Variants in ARHGAP18 observed in about 807,000 individuals in gnomAD.
The protein encoded by ARHGAP18 is Rho GTPase activating protein 18.
A neutral mutation model predicts 86.2 loss-of-function variants in ARHGAP18; 67 were observed. The ratio of observed to expected loss-of-function variants is 0.78; its 90% CI spans 0.64 to 0.95. The LOEUF is 0.95. Among genes scored for constraint, ARHGAP18 ranks in the 40% least tolerant of loss-of-function variants. ARHGAP18 has a pLI of 0.00. For missense variants in ARHGAP18, 691 were observed against 780.4 expected (o/e 0.89, Z 1.37); for synonymous variants, 283 against 280.4 (o/e 1.01, Z -0.09).
intron 7 of ARHGAP18, among the ~76,000 whole-genome samples, chr6:129,615,788 T>C (rs1028850862): frequency 1.3e-5 from 2 of 152,232 alleles, no homozygotes; most frequent in African/African-American, 2.4e-5. Context: ...TTCTACTTTA[T>C]GGTTTCTTTG....
At chr6:129,677,392 C>CAA (rs112446982) in intron 1 of ARHGAP18, among the ~76,000 whole-genome samples, 14 of 139,384 alleles carry the variant, frequency 1.0e-4, no homozygotes, top group African/African-American at 3.1e-4. Flanking sequence ...GACTCCGTCT[C>CAA]AAAAAAAAAA....
intron 3 of ARHGAP18, among the ~76,000 whole-genome samples, chr6:129,637,491 G>A (rs964372717): frequency 6.6e-6 from 1 of 152,160 alleles, no homozygotes; most frequent in African/African-American, 2.4e-5. Flanking sequence ...ACTGTGCTAA[G>A]GCTAGACACC....
intron 2 of ARHGAP18, among the ~76,000 whole-genome samples, chr6:129,639,199 T>A (rs200385573): frequency 6.6e-6 from 1 of 150,544 alleles, no homozygotes; most frequent in African/African-American, 2.4e-5. Context: ...AATGTTTTTT[T>A]AAAAGCACAA....
chr6:129,692,436 C>T (rs1178341119), intron 1 of ARHGAP18, among the ~76,000 whole-genome samples: 3 of 152,136 alleles, frequency 2.0e-5, no homozygotes, highest in Admixed American at 6.5e-5. Context: ...TCCCTCCATA[C>T]AAACCATTTG....
intron 1 of ARHGAP18, among the ~76,000 whole-genome samples, chr6:129,679,211 A>G (rs1774283499): frequency 6.6e-6 from 1 of 152,228 alleles, no homozygotes; most frequent in African/African-American, 2.4e-5. Flanking sequence ...CTTTCTCTTA[A>G]GAGATACAAC....
intron 1 of ARHGAP18, among the ~76,000 whole-genome samples, chr6:129,650,948 C>T (rs147419973): frequency 6.6e-5 from 10 of 152,280 alleles, no homozygotes; most frequent in South Asian, 6.2e-4. Context: ...CCACATCCTA[C>T]GCTGTGATGA....
At chr6:129,581,701 A>G (rs1788293222) in intron 13 of ARHGAP18, among the ~76,000 whole-genome samples, 1 of 152,188 alleles carries the variant, frequency 6.6e-6, no homozygotes, top group Admixed American at 6.5e-5. Flanking sequence ...GATTTATTAT[A>G]CATATATTGT....
intron 12 of ARHGAP18, among the ~76,000 whole-genome samples, chr6:129,598,346 C>T (rs1015861140): frequency 6.6e-6 from 1 of 152,132 alleles, no homozygotes; most frequent in Non-Finnish European, 1.5e-5. Flanking sequence ...AGAAAAACTT[C>T]GTTTTTATGA....
At chr6:129,694,826 G>A (rs1204611911) in intron 1 of ARHGAP18, among the ~76,000 whole-genome samples, 2 of 152,156 alleles carry the variant, frequency 1.3e-5, no homozygotes, top group African/African-American at 2.4e-5. Context: ...AGTAAAAAAT[G>A]TTTTGCTGAA....
chr6:129,625,021 G>GATATATGGTATATATTT (rs1789320133), intron 5 of ARHGAP18, among the ~76,000 whole-genome samples: 1 of 56,238 alleles, frequency 1.8e-5, no homozygotes, highest in African/African-American at 6.3e-5. Flanking sequence ...TAATATATAT[G>GATATATGGTATATATTT]ATATATGATA....
rs750430334 is a variant in ARHGAP18, at chr6:129,607,989, G to T, written c.1186C>A (p.Gln396Lys). ...EGTFNWESVK[Q>K]HDAASLLKLF... is the part of the protein sequence containing the mutation. ...TTCAGCAGGCTGGCGGCATCATGCT[G>T]TTTGACACTTTCCCAATTAAAAGTC... is the stretch of plus-strand genomic sequence containing the variant. The change falls in exon 9 of 15, where the codon CAG (glutamine) becomes AAG (lysine). Residue 396 changes from glutamine to lysine, a missense_variant. Transcript: ENST00000368149. 13 of 1,514,072 alleles carry T rather than the reference G, an allele frequency of 8.6e-6. No individual in the cohort carries two copies. In the African/African-American group the frequency reaches 1.4e-4, roughly 17 times the overall value. 93.8% of individuals were successfully genotyped at this position (1,514,072 alleles called of 1,614,324 possible).
chr6:129,696,667 GT>G (rs1357407291), intron 1 of ARHGAP18, among the ~76,000 whole-genome samples: 1 of 152,180 alleles, frequency 6.6e-6, no homozygotes, highest in Non-Finnish European at 1.5e-5. Flanking sequence ...ATTTATGTTC[GT>G]GATGAACGAA....
chr6:129,587,855 C>T (rs961989256), intron 12 of ARHGAP18, among the ~76,000 whole-genome samples: 4 of 152,280 alleles, frequency 2.6e-5, no homozygotes, highest in African/African-American at 9.6e-5. Context: ...CATTTCAAAA[C>T]ATAATCATGC....
chr6:129,681,907 A>G (rs1434081037), intron 1 of ARHGAP18, among the ~76,000 whole-genome samples: 1 of 152,226 alleles, frequency 6.6e-6, no homozygotes, highest in Non-Finnish European at 1.5e-5. Context: ...TCAGGCAGCT[A>G]CACAAAAAGT....
intron 5 of ARHGAP18, 104 bp from the exon 6 acceptor site, chr6:129,618,956 G>A (rs1364278993): frequency 2.9e-6 from 3 of 1,043,496 alleles, no homozygotes; most frequent in Non-Finnish European, 4.1e-6. Context: ...CTCAGAATAA[G>A]TGATAAGAAA....
chr6:129,598,184 C>T (rs770311989), intron 12 of ARHGAP18, among the ~76,000 whole-genome samples: 1 of 151,910 alleles, frequency 6.6e-6, no homozygotes, highest in African/African-American at 2.4e-5. Context: ...TTTCTAAAAG[C>T]CTTTAGGATA....
chr6:129,616,347 A>G (rs1287667536), intron 6 of ARHGAP18, 44 bp from the exon 7 acceptor site: 23 of 1,442,066 alleles, frequency 1.6e-5, no homozygotes, highest in Non-Finnish European at 2.1e-5. Flanking sequence ...GTCAATCTAT[A>G]AAATATTAAT....
At chr6:129,667,228 T>C (rs2114524107) in intron 1 of ARHGAP18, among the ~76,000 whole-genome samples, 1 of 151,986 alleles carries the variant, frequency 6.6e-6, no homozygotes, top group African/African-American at 2.4e-5. Flanking sequence ...AATATCCCCA[T>C]CTTGTGGGCA....
chr6:129,616,098 G>T, intron 7 of ARHGAP18, 114 bp downstream of exon 7: 1 of 791,476 alleles, frequency 1.3e-6, no homozygotes, highest in Non-Finnish European at 1.8e-6. Flanking sequence ...GAAAATCAAA[G>T]TACAAAACAT....
Sources: gnomAD v4.1 joint callset for allele counts (sites outside exome capture counted in the v4.1 genomes callset) on GRCh38, gnomAD v4.1.1 for gene constraint, MANE v1.5 for transcripts, NCBI Gene and HGNC (gene_info 2026-07-23, HGNC 2026-07-21) for gene names.